PMFBP1: variants seen among roughly 807,000 people sequenced by gnomAD.
PMFBP1 encodes polyamine-modulated factor 1-binding protein 1.
PMFBP1 carries 131 observed loss-of-function variants against 137.8 expected under a neutral mutation model. The ratio of observed to expected loss-of-function variants is 0.95; its 90% confidence interval spans 0.82 to 1.10. The LOEUF is 1.10. PMFBP1 is among the 50% of genes least tolerant of loss of function. The pLI, the probability that PMFBP1 is intolerant of heterozygous loss-of-function variation, is 0.00. For missense variants in PMFBP1, 1,199 were observed against 1,175.4 expected, an observed-to-expected ratio of 1.02 and a Z score of -0.29; for synonymous variants, 490 against 450.4, an observed-to-expected ratio of 1.09 and a Z score of -1.11.
rs774613663 is a variant in PMFBP1 at position 72,139,277 on chromosome 16, A to G, written c.918+12T>C. 6.2e-7 allele frequency: 1 copy of G among 1,602,778 alleles called. No individual in the cohort carries two copies. The highest frequency in any genetic ancestry group is 1.1e-5 in the South Asian group (1 of 90,712). On this transcript the variant is annotated intron_variant, in intron 7 of 20. Transcript: ENST00000237353. ...CGATCCCAGTAGGCACAGATCAGCA[A>G]ATTTCTCCCACCTTTTTGATGTCTT...
chr16:72,140,285 G>T (rs542517463), intron 6 of PMFBP1, 127 bp downstream of exon 6: 2 of 960,660 alleles, frequency 2.1e-6, no homozygotes, highest in Non-Finnish European at 3.2e-6. Flanking sequence ...TGGGGGGCAA[G>T]TATATATCAG....
At chr16:72,161,099 T>TC (rs2043055363) in intron 3 of PMFBP1, among the ~76,000 whole-genome samples, 1 of 148,982 alleles carries the variant, frequency 6.7e-6, no homozygotes, top group African/African-American at 2.5e-5. Context: ...TGTTACTTTT[T>TC]TTTTTTTTTT....
the PMFBP1 span, among the ~76,000 whole-genome samples, chr16:72,209,168 A>T: frequency 6.6e-6 from 1 of 152,160 alleles, no homozygotes; most frequent in Non-Finnish European, 1.5e-5. Context: ...AGAGCGTACA[A>T]ATAGCCCTCA....
the PMFBP1 span, among the ~76,000 whole-genome samples, chr16:72,215,814 G>GA: frequency 2.0e-5 from 3 of 152,174 alleles, no homozygotes; most frequent in African/African-American, 7.2e-5. Context: ...TACAATACTA[G>GA]AAAATCCTAA....
intron 5 of PMFBP1, among the ~76,000 whole-genome samples, chr16:72,146,325 C>A (rs570340777): frequency 8.9e-4 from 135 of 152,252 alleles, no homozygotes; most frequent in Admixed American, 1.6e-3. Context: ...AATTCAACAG[C>A]GCTTCATGCT....
intron 10 of PMFBP1, among the ~76,000 whole-genome samples, chr16:72,131,850 A>C (rs2042553790): frequency 6.6e-6 from 1 of 152,108 alleles, no homozygotes; most frequent in Non-Finnish European, 1.5e-5. Context: ...TAGCCCCTCC[A>C]CCCCACTTTT....
chr16:72,154,593 T>C (rs1048420544), intron 3 of PMFBP1, 134 bp from the exon 4 acceptor site: 1 of 1,063,416 alleles, frequency 9.4e-7, no homozygotes, highest in Non-Finnish European at 1.3e-6. Flanking sequence ...TCTACAGAGA[T>C]CTTATTAAAC....
At chr16:72,156,808 A>G (rs1456894066) in intron 3 of PMFBP1, among the ~76,000 whole-genome samples, 1 of 152,110 alleles carries the variant, frequency 6.6e-6, no homozygotes, top group Non-Finnish European at 1.5e-5. Flanking sequence ...TGATATTTTC[A>G]TCTAATTAAT....
At chr16:72,212,460 A>G in the PMFBP1 span, among the ~76,000 whole-genome samples, 5 of 151,388 alleles carry the variant, frequency 3.3e-5, no homozygotes, top group Admixed American at 6.6e-5. Flanking sequence ...GAGTGCTTTT[A>G]AAATTTGTAA....
intron 7 of PMFBP1, among the ~76,000 whole-genome samples, chr16:72,138,423 G>A (rs1467293326): frequency 6.6e-6 from 1 of 152,226 alleles, no homozygotes; most frequent in Non-Finnish European, 1.5e-5. Flanking sequence ...GCTTTGCCAG[G>A]TACCAAGTTC....
At chr16:72,131,217 G>A (rs1244034793) in intron 10 of PMFBP1, among the ~76,000 whole-genome samples, 1 of 152,154 alleles carries the variant, frequency 6.6e-6, no homozygotes, top group Non-Finnish European at 1.5e-5. Context: ...GCAGATGCCT[G>A]GTGAGGAGAA....
intron 3 of PMFBP1, among the ~76,000 whole-genome samples, chr16:72,159,597 G>T (rs537599299): frequency 5.9e-5 from 9 of 152,258 alleles, no homozygotes; most frequent in African/African-American, 1.9e-4. Flanking sequence ...AGATATCAAT[G>T]GGTTTAGAGG....
chr16:72,227,809 A>G, the PMFBP1 span, among the ~76,000 whole-genome samples: 1 of 152,188 alleles, frequency 6.6e-6, no homozygotes, highest in Non-Finnish European at 1.5e-5. Context: ...TGTGGTTTCT[A>G]TCAAGGTTAA....
the PMFBP1 span, among the ~76,000 whole-genome samples, chr16:72,210,743 C>G: frequency 6.6e-6 from 1 of 152,200 alleles, no homozygotes; most frequent in African/African-American, 2.4e-5. Context: ...ATTTCCCTCC[C>G]ACGGCTACTG....
intron 5 of PMFBP1, among the ~76,000 whole-genome samples, chr16:72,140,811 A>C (rs2042707930): frequency 6.6e-6 from 1 of 152,026 alleles, no homozygotes; most frequent in East Asian, 1.9e-4. Context: ...CTCCATCCTA[A>C]CTATGACTCA....
chr16:72,201,268 T>C, the PMFBP1 span, among the ~76,000 whole-genome samples: 1 of 152,236 alleles, frequency 6.6e-6, no homozygotes, highest in African/African-American at 2.4e-5. Flanking sequence ...AGATACTAAT[T>C]TGAGTTCATA....
the PMFBP1 span, among the ~76,000 whole-genome samples, chr16:72,246,810 G>C: frequency 7.2e-5 from 11 of 152,130 alleles, no homozygotes; most frequent in South Asian, 4.2e-4. Context: ...CAAAGGGCAT[G>C]GACCATCTTA....
chr16:72,130,458 C>A (rs2042532375), intron 11 of PMFBP1, 75 bp downstream of exon 11: 2 of 1,605,940 alleles, frequency 1.2e-6, no homozygotes, highest in Non-Finnish European at 1.7e-6. Context: ...CACGCCTGGG[C>A]AGCTGCCCAC....
chr16:72,212,026 A>T, the PMFBP1 span, among the ~76,000 whole-genome samples: 1 of 152,174 alleles, frequency 6.6e-6, no homozygotes, highest in Non-Finnish European at 1.5e-5. Flanking sequence ...AATTAAAAAA[A>T]AAGTGGTAAA....
Sources: gnomAD v4.1 joint callset for allele counts (sites outside exome capture counted in the v4.1 genomes callset) on GRCh38, gnomAD v4.1.1 for gene constraint, MANE v1.5 for transcripts, NCBI Gene and HGNC (gene_info 2026-07-23, HGNC 2026-07-21) for gene names.